The following DLC1 variants were observed in gnomAD, a reference collection of about 807,000 sequenced individuals.
The protein encoded by DLC1 is DLC1 Rho GTPase activating protein.
Under a neutral mutation model 140.3 loss-of-function variants are expected in DLC1, and 54 were observed. The ratio of observed to expected loss-of-function variants is 0.38; its 90% CI spans 0.31 to 0.48. The LOEUF (loss-of-function observed/expected upper bound fraction) is 0.48, where lower values mean the gene tolerates loss of function less well. Among genes scored for constraint, DLC1 ranks in the 20% least tolerant of loss-of-function variants. DLC1 has a pLI of 0.96. For synonymous variants in DLC1, 986 were observed against 728.1 expected (o/e 1.35, Z -5.70); for missense variants, 2,536 against 1,907.0 (o/e 1.33, Z -6.14).
intron 4 of DLC1, among the ~76,000 whole-genome samples, chr8:13,385,897 A>C (rs1383464475): frequency 6.6e-6 from 1 of 152,228 alleles, no homozygotes; most frequent in Admixed American, 6.5e-5. Context: ...GAAAATATTT[A>C]ATATGTAATT....
rs542410497 is a variant in DLC1, at chr8:13,444,627, T to A, written c.1024-43008A>T. On this transcript the variant is annotated intron_variant, in intron 2 of 17. Transcript: ENST00000276297. ...TGAGACCAAAATAATATTGAATTTT[T>A]AAATATAGGCTACAGTACTACTCTT... 3.3e-5 allele frequency among the ~76,000 whole-genome samples: 5 copies of A among 152,344 alleles called. No individual in the cohort carries two copies. In the South Asian group the frequency reaches 1.0e-3, roughly 32 times the overall value.
chr8:13,357,857 T>C (rs1835022079), intron 4 of DLC1, among the ~76,000 whole-genome samples: 1 of 152,180 alleles, frequency 6.6e-6, no homozygotes, highest in Admixed American at 6.5e-5. Context: ...TGCAGTTTTC[T>C]GAACATGTAA....
At chr8:13,480,580 T>C (rs73208065) in intron 2 of DLC1, among the ~76,000 whole-genome samples, 1 of 152,262 alleles carries the variant, frequency 6.6e-6, no homozygotes, top group Non-Finnish European at 1.5e-5. Flanking sequence ...TAATAGTCAT[T>C]AGATAGAATA....
intron 1 of DLC1, chr8:13,558,726 T>C (rs1371897202): frequency 2.6e-5 from 4 of 152,186 alleles, no homozygotes; most frequent in African/African-American, 9.7e-5. Flanking sequence ...CATCGAGGAT[T>C]ACACAGTGTA....
chr8:13,196,702 C>T lies in DLC1; in HGVS notation c.1349-81045G>A, dbSNP rs369768670. 2.4e-4 allele frequency among the ~76,000 whole-genome samples: 37 copies of T among 152,282 alleles called. No individual in the cohort carries two copies. In the South Asian group the frequency reaches 2.7e-3, roughly 11 times the overall value. On this transcript the variant is annotated intron_variant, in intron 5 of 17. Transcript: ENST00000276297. ...GTGATCATCTGTGCTTATTATCCTTCGGGGCTAAGAGAACATCTCATTTAT... is the reference window on the plus strand; with the variant it reads ...GTGATCATCTGTGCTTATTATCCTTTGGGGCTAAGAGAACATCTCATTTAT...
At chr8:13,506,536 C>T (rs1343835850) in intron 1 of DLC1, among the ~76,000 whole-genome samples, 3 of 143,936 alleles carry the variant, frequency 2.1e-5, no homozygotes, top group Non-Finnish European at 4.5e-5. Context: ...TACACATACA[C>T]ACACATGGAC....
At chr8:13,153,779 C>T (rs549043106) in intron 5 of DLC1, among the ~76,000 whole-genome samples, 68 of 150,578 alleles carry the variant, frequency 4.5e-4, no homozygotes, top group African/African-American at 1.4e-3. Flanking sequence ...CACAGAATGC[C>T]GATCGGTGCG....
intron 4 of DLC1, among the ~76,000 whole-genome samples, chr8:13,347,411 TG>T (rs1426622099): frequency 6.6e-6 from 1 of 152,156 alleles, no homozygotes; most frequent in Non-Finnish European, 1.5e-5. Context: ...GTGCAGGTGC[TG>T]GAGGACGGGA....
In DLC1 at chr8:13,090,236, C is replaced by A; in HGVS notation, c.4074+16G>T. The stretch of plus-strand genomic sequence containing the variant: ...ACTCCTGGACTCAACTAGCCGACAA[C>A]AGGGTGAAGCCTTACCTTCTTATAG... On this transcript the variant is annotated intron_variant, in intron 15 of 17. Transcript: ENST00000276297. 6.2e-7 allele frequency: 1 copy of A among 1,609,020 alleles called. No homozygotes were observed. The highest frequency in any genetic ancestry group is 8.5e-7 in the Non-Finnish European group (1 of 1,177,558).
At chr8:13,115,554 C>T (rs1176379832) in intron 6 of DLC1, 32 bp downstream of exon 6, 3 of 1,599,412 alleles carry the variant, frequency 1.9e-6, no homozygotes, top group African/African-American at 2.7e-5. Context: ...TATGATTATG[C>T]CAACTTTTAA....
chr8:13,498,060 T>G (rs2117194862), intron 2 of DLC1, among the ~76,000 whole-genome samples: 1 of 152,262 alleles, frequency 6.6e-6, no homozygotes, highest in Middle Eastern at 3.4e-3. Flanking sequence ...ACAAAGAACA[T>G]TACTTTTGTG....
chr8:13,102,793 T>C lies in DLC1; in HGVS notation c.1563A>G (p.Lys521=), dbSNP rs763235430. ...ATTATGCAATTTGTATACTCACTCG[T>C]TTCCGATGAGGACTAATTTCTAGCT... ...VMKLEISPHR[K]RSDDSDEDEP... is the part of the protein sequence containing the mutation. The change falls in exon 8 of 18, where the codon AAA becomes AAG. Residue 521 remains lysine, a synonymous_variant. Transcript: ENST00000276297. 6.2e-7 allele frequency: 1 copy of C among 1,613,926 alleles called. No homozygotes were observed. The highest frequency in any genetic ancestry group is 8.5e-7 in the Non-Finnish European group (1 of 1,179,868).
chr8:13,531,216 C>G (rs1803085827), intron 1 of DLC1, among the ~76,000 whole-genome samples: 1 of 152,086 alleles, frequency 6.6e-6, no homozygotes, highest in Admixed American at 6.5e-5. Flanking sequence ...TGGAAACCAC[C>G]CAGTCTATAA....
intron 4 of DLC1, among the ~76,000 whole-genome samples, chr8:13,333,166 C>G (rs1336507353): frequency 6.6e-6 from 1 of 151,908 alleles, no homozygotes; most frequent in Admixed American, 6.6e-5. Flanking sequence ...GTAAAATATT[C>G]CCTACCTATC....
At chr8:13,314,968 G>A (rs1348289160) in intron 4 of DLC1, among the ~76,000 whole-genome samples, 2 of 152,200 alleles carry the variant, frequency 1.3e-5, no homozygotes, top group Admixed American at 1.3e-4. Flanking sequence ...ACCAGGATCA[G>A]TAAAATATAG....
chr8:13,467,123 G>C (rs988888794), intron 2 of DLC1, among the ~76,000 whole-genome samples: 1 of 152,046 alleles, frequency 6.6e-6, no homozygotes, highest in Non-Finnish European at 1.5e-5. Context: ...TACAGTTCCT[G>C]TTGTTTTTGA....
At chr8:13,107,885 A>T (rs476553) in intron 7 of DLC1, among the ~76,000 whole-genome samples, 1 of 151,846 alleles carries the variant, frequency 6.6e-6, no homozygotes, top group Non-Finnish European at 1.5e-5. Flanking sequence ...TCTACTAAAA[A>T]AATACAAAAA....
intron 5 of DLC1, among the ~76,000 whole-genome samples, chr8:13,126,988 A>G (rs944103254): frequency 2.6e-5 from 4 of 152,260 alleles, no homozygotes; most frequent in Non-Finnish European, 4.4e-5. Flanking sequence ...GACCAATGAC[A>G]ATGAAAATAT....
intron 5 of DLC1, among the ~76,000 whole-genome samples, chr8:13,171,686 C>A (rs1437614938): frequency 2.0e-5 from 3 of 152,176 alleles, no homozygotes; most frequent in Non-Finnish European, 4.4e-5. Flanking sequence ...CCACGGCCGG[C>A]CCACACTTCC....
Sources: gnomAD v4.1 joint callset for allele counts (sites outside exome capture counted in the v4.1 genomes callset) on GRCh38, gnomAD v4.1.1 for gene constraint, MANE v1.5 for transcripts, NCBI Gene and HGNC (gene_info 2026-07-23, HGNC 2026-07-21) for gene names.